The following MAP2 variants were observed in gnomAD, a reference collection of about 807,000 sequenced individuals.
The protein encoded by MAP2 is microtubule-associated protein 2.
MAP2 carries 14 observed loss-of-function variants against 137.6 expected under a neutral mutation model. The observed-to-expected ratio is 0.10, with a 90% CI of 0.07 to 0.16. MAP2 has a LOEUF of 0.16. Among genes scored for constraint, MAP2 ranks in the 10% least tolerant of loss-of-function variants. The probability of loss-of-function intolerance (pLI) is 1.00; values close to 1 mark genes in which losing one functional copy is unlikely to be tolerated. For missense variants in MAP2, 2,088 were observed against 2,191.5 expected, an observed-to-expected ratio of 0.95 and a Z score of 0.94; for synonymous variants, 786 against 782.3, an observed-to-expected ratio of 1.00 and a Z score of -0.08.
intron 4 of MAP2, among the ~76,000 whole-genome samples, chr2:209,632,422 G>A (rs1044659771): frequency 2.6e-5 from 4 of 152,112 alleles, no homozygotes; most frequent in African/African-American, 9.7e-5. Flanking sequence ...CATGAACCAA[G>A]GTTGTTATTA....
At chr2:209,455,055 G>C (rs1701216412) in intron 1 of MAP2, among the ~76,000 whole-genome samples, 1 of 152,078 alleles carries the variant, frequency 6.6e-6, no homozygotes, top group African/African-American at 2.4e-5. Context: ...TTCTTATGAG[G>C]GCACTAATCA....
chr2:209,480,539 T>TTTGTTTGTTTG (rs1708474325), intron 1 of MAP2, among the ~76,000 whole-genome samples: 1 of 97,258 alleles, frequency 1.0e-5, no homozygotes, highest in Non-Finnish European at 2.8e-5. Flanking sequence ...TGATCTAAAG[T>TTTGTTTGTTTG]TTGTTTGTTT....
chr2:209,505,155 A>G (rs746742399), intron 1 of MAP2, among the ~76,000 whole-genome samples: 18 of 152,206 alleles, frequency 1.2e-4, no homozygotes, highest in Non-Finnish European at 1.9e-4. Context: ...CTTAACGGGA[A>G]TGTTCCAAAT....
intron 12 of MAP2, among the ~76,000 whole-genome samples, chr2:209,706,780 G>A (rs2063559702): frequency 6.6e-6 from 1 of 151,980 alleles, no homozygotes. Context: ...CACTTATTTT[G>A]ATAATAATTG....
chr2:209,554,614 G>A (rs542523183), intron 2 of MAP2, among the ~76,000 whole-genome samples: 5 of 152,026 alleles, frequency 3.3e-5, no homozygotes, highest in East Asian at 3.9e-4. Flanking sequence ...GTGGTGAAGC[G>A]TTGTCTCTAC....
intron 1 of MAP2, among the ~76,000 whole-genome samples, chr2:209,493,408 A>T (rs2059373151): frequency 6.6e-6 from 1 of 152,252 alleles, no homozygotes; most frequent in African/African-American, 2.4e-5. Context: ...AGCAATGGCA[A>T]CAAAAGCCAA....
At chr2:209,665,905 TAAATCTAATCATTAAGTA>T (rs1189569854) in intron 5 of MAP2, among the ~76,000 whole-genome samples, 3 of 152,310 alleles carry the variant, frequency 2.0e-5, no homozygotes, top group Non-Finnish European at 4.4e-5. Flanking sequence ...TTACATTTTC[TAAATCTAATCATTAAGTA>T]TTTCAGTGTT....
intron 7 of MAP2, among the ~76,000 whole-genome samples, chr2:209,682,795 G>A (rs1430777180): frequency 2.6e-5 from 4 of 152,152 alleles, no homozygotes; most frequent in Non-Finnish European, 4.4e-5. Flanking sequence ...AGAAAGGGTA[G>A]AGCAGTGGAG....
At chr2:209,611,936 C>G (rs1455872226) in intron 3 of MAP2, among the ~76,000 whole-genome samples, 1 of 152,042 alleles carries the variant, frequency 6.6e-6, no homozygotes, top group African/African-American at 2.4e-5. Flanking sequence ...ACCCTAAAAC[C>G]TATTAGCGTG....
intron 1 of MAP2, among the ~76,000 whole-genome samples, chr2:209,469,955 A>G (rs188413449): frequency 6.6e-6 from 1 of 152,310 alleles, no homozygotes; most frequent in Non-Finnish European, 1.5e-5. Flanking sequence ...CTGTTAAGTG[A>G]AATAGTAAAT....
At chr2:209,673,932 A>ATAAT (rs2050056957) in intron 5 of MAP2, among the ~76,000 whole-genome samples, 1 of 151,846 alleles carries the variant, frequency 6.6e-6, no homozygotes, top group Admixed American at 6.6e-5. Context: ...TCAGAATTAG[A>ATAAT]CAGGATTATC....
At chr2:209,533,859 G>C (rs905388506) in intron 2 of MAP2, among the ~76,000 whole-genome samples, 1 of 152,158 alleles carries the variant, frequency 6.6e-6, no homozygotes, top group African/African-American at 2.4e-5. Flanking sequence ...GGGGTAAGGG[G>C]AGCCGGTCTA....
intron 1 of MAP2, among the ~76,000 whole-genome samples, chr2:209,492,091 G>A (rs769946985): frequency 5.9e-5 from 9 of 151,966 alleles, no homozygotes; most frequent in South Asian, 2.1e-4. Flanking sequence ...AAAACTTATC[G>A]ACTATGATCA....
chr2:209,607,731 G>A (rs150810854), intron 3 of MAP2, among the ~76,000 whole-genome samples: 5 of 152,296 alleles, frequency 3.3e-5, no homozygotes, highest in South Asian at 4.1e-4. Context: ...GACTGTGCCC[G>A]GCCTGAATAT....
At chr2:209,633,934 C>T (rs1055397325) in intron 4 of MAP2, among the ~76,000 whole-genome samples, 3 of 152,172 alleles carry the variant, frequency 2.0e-5, no homozygotes, top group African/African-American at 7.2e-5. Flanking sequence ...AGGGCTTTCA[C>T]TCTGCTTTTG....
At chr2:209,662,977 T>C (rs2044401312) in intron 5 of MAP2, among the ~76,000 whole-genome samples, 1 of 152,184 alleles carries the variant, frequency 6.6e-6, no homozygotes, top group Non-Finnish European at 1.5e-5. Context: ...TACACACATA[T>C]ATATATTCTT....
chr2:209,457,991 T>G (rs930042046), intron 1 of MAP2, among the ~76,000 whole-genome samples: 4 of 152,218 alleles, frequency 2.6e-5, no homozygotes, highest in Non-Finnish European at 4.4e-5. Flanking sequence ...CAACTTTTTT[T>G]TGTTAAATTT....
intron 1 of MAP2, among the ~76,000 whole-genome samples, chr2:209,435,272 T>TAA (rs35822697): frequency 6.1e-5 from 9 of 148,046 alleles, no homozygotes; most frequent in Non-Finnish European, 1.0e-4. Context: ...ATATTAATGG[T>TAA]AAAAAAAAAA....
At chr2:209,674,725 A>G (rs1186109920) in intron 5 of MAP2, among the ~76,000 whole-genome samples, 1 of 151,828 alleles carries the variant, frequency 6.6e-6, no homozygotes. Flanking sequence ...ACACATCATA[A>G]TCATTACATT....
Sources: gnomAD v4.1 joint callset for allele counts (sites outside exome capture counted in the v4.1 genomes callset) on GRCh38, gnomAD v4.1.1 for gene constraint, MANE v1.5 for transcripts, NCBI Gene and HGNC (gene_info 2026-07-23, HGNC 2026-07-21) for gene names.